The following KCNG3 variants were observed in gnomAD, a reference collection of about 807,000 sequenced individuals.
KCNG3 encodes potassium voltage-gated channel modifier subfamily G member 3, also known as voltage-gated potassium channel regulatory subunit KCNG3.
Under a neutral mutation model 29.0 loss-of-function variants are expected in KCNG3, and 15 were observed. The observed-to-expected ratio is 0.52, with a 90% confidence interval of 0.35 to 0.80. The LOEUF is 0.80. KCNG3 is among the 30% of genes least tolerant of loss of function. The pLI is 0.01. For missense variants in KCNG3, 512 were observed against 605.7 expected, an observed-to-expected ratio of 0.85 and a Z score of 1.62; for synonymous variants, 322 against 248.9, an observed-to-expected ratio of 1.29 and a Z score of -2.76.
At chr2:42,390,283 GA>G in the KCNG3 span, among the ~76,000 whole-genome samples, 4 of 151,800 alleles carry the variant, frequency 2.6e-5, no homozygotes, top group South Asian at 4.2e-4. Context: ...AAAGCTCTAA[GA>G]AAAAAAATGG....
intron 1 of KCNG3, among the ~76,000 whole-genome samples, chr2:42,486,696 C>A (rs1237072887): frequency 1.3e-5 from 2 of 152,220 alleles, no homozygotes; most frequent in South Asian, 4.1e-4. Context: ...CAACTCACGT[C>A]ACCTTTCACA....
In KCNG3 at chr2:42,442,598, T is replaced by C. The variant is rs1672510709; in HGVS notation, c.*1336A>G. On this transcript the variant is annotated 3_prime_UTR_variant, in exon 2 of 2. Coordinates refer to ENST00000306078, the MANE Select transcript of KCNG3 (RefSeq NM_133329.6). ...TCCCAATCCCTGTCTTCTCTACCTC[T>C]GACAAAATTACTGTGTACAACATTC... The C allele has an allele frequency of 1.3e-5, 2 of 152,256 alleles. No homozygotes were observed. The highest frequency in any genetic ancestry group is 2.4e-5 in the African/African-American group (1 of 41,468). 9.4% of individuals were successfully genotyped at this position (152,256 alleles called of 1,614,324 possible).
chr2:42,448,711 C>T (rs970489528), intron 1 of KCNG3, among the ~76,000 whole-genome samples: 4 of 152,168 alleles, frequency 2.6e-5, no homozygotes, highest in Non-Finnish European at 4.4e-5. Context: ...CGCTTATGGC[C>T]GGGAGCGGTG....
rs1673962164 is a variant in KCNG3 at position 42,493,313 on chromosome 2, G to A, written c.189C>T (p.Phe63=). ...DYDRERNEYF[F]DRHSEAFGFI... Reference sequence around the variant, plus strand: ...AGCCGAAGGCCTCCGAGTGCCGGTCGAAGAAGTACTCGTTGCGCTCGCGGT... The same window carrying A: ...AGCCGAAGGCCTCCGAGTGCCGGTCAAAGAAGTACTCGTTGCGCTCGCGGT... The change falls in exon 1 of 2, where the codon TTC becomes TTT. Residue 63 remains phenylalanine, a synonymous_variant. Coordinates refer to ENST00000306078, the MANE Select transcript of KCNG3 (RefSeq NM_133329.6). 1 of 1,609,864 alleles carries A rather than the reference G, an allele frequency of 6.2e-7. No individual in the cohort carries two copies. The highest frequency in any genetic ancestry group is 8.5e-7 in the Non-Finnish European group (1 of 1,178,580).
At chr2:42,399,056 C>CTTTTTTTTTTTTTTTTTTTTT in the KCNG3 span, among the ~76,000 whole-genome samples, 3 of 107,630 alleles carry the variant, frequency 2.8e-5, no homozygotes, top group Non-Finnish European at 3.7e-5. Context: ...TTTTTCTTTT[C>CTTTTTTTTTTTTTTTTTTTTT]TTTTTTTTTT....
chr2:42,488,999 T>A (rs1673804914), intron 1 of KCNG3, among the ~76,000 whole-genome samples: 1 of 152,050 alleles, frequency 6.6e-6, no homozygotes, highest in Admixed American at 6.5e-5. Context: ...CTAAGAATTA[T>A]TTCCTAGTAT....
At chr2:42,482,728 CAAAACA>C (rs1224310006) in intron 1 of KCNG3, among the ~76,000 whole-genome samples, 1 of 152,034 alleles carries the variant, frequency 6.6e-6, no homozygotes, top group Non-Finnish European at 1.5e-5. Context: ...GACTCCACCT[CAAAACA>C]AAAACAAAAA....
chr2:42,457,159 C>G (rs935513668), intron 1 of KCNG3, among the ~76,000 whole-genome samples: 1 of 151,890 alleles, frequency 6.6e-6, no homozygotes, highest in African/African-American at 2.4e-5. Flanking sequence ...TGTTATGATC[C>G]CCACCTACAA....
chr2:42,436,333 AAAAACCACAG>A, the KCNG3 span, among the ~76,000 whole-genome samples: 4 of 152,242 alleles, frequency 2.6e-5, no homozygotes, highest in Non-Finnish European at 5.9e-5. Flanking sequence ...TAAATATATT[AAAAACCACAG>A]AACTGTACAT....
At chr2:42,488,431 G>A (rs922913815) in intron 1 of KCNG3, among the ~76,000 whole-genome samples, 4 of 152,140 alleles carry the variant, frequency 2.6e-5, no homozygotes, top group Non-Finnish European at 4.4e-5. Flanking sequence ...CTGGAGTGCA[G>A]TTGCTGAATC....
chr2:42,454,745 C>T (rs756561555), intron 1 of KCNG3, among the ~76,000 whole-genome samples: 9 of 152,006 alleles, frequency 5.9e-5, no homozygotes, highest in Middle Eastern at 3.4e-3. Flanking sequence ...AATCCTGTTA[C>T]GTGGATGAAC....
chr2:42,481,846 T>G (rs777156426), intron 1 of KCNG3, among the ~76,000 whole-genome samples: 1 of 152,224 alleles, frequency 6.6e-6, no homozygotes, highest in African/African-American at 2.4e-5. Context: ...TATTCAGGCA[T>G]CACCTATCAC....
At chr2:42,431,310 C>CTT in the KCNG3 span, among the ~76,000 whole-genome samples, 51 of 147,800 alleles carry the variant, frequency 3.5e-4, no homozygotes, top group African/African-American at 1.1e-3. Context: ...TCTTTGAAAG[C>CTT]TTTTTTTTTT....
the KCNG3 span, among the ~76,000 whole-genome samples, chr2:42,433,223 T>C: frequency 1.3e-5 from 2 of 152,228 alleles, no homozygotes; most frequent in African/African-American, 4.8e-5. Context: ...GATGGCATGA[T>C]CTTATATATA....
rs758707696 is a variant in KCNG3, at chr2:42,493,389, A to G, written c.113T>C (p.Leu38Pro). 1 of 1,534,584 alleles carries G rather than the reference A, an allele frequency of 6.5e-7. No individual in the cohort carries two copies. ...GTCGCGCTCGGAGCGGCAGCCGTGC[A>G]GCCGGCTCACGCGGCGCAGCGGGAA... ...KDFPLRRVSR[L>P]HGCRSERDVL... Residue 38 changes from leucine (L) to proline (P), a missense_variant, in exon 1 of 2, where the codon CTG becomes CCG. By Grantham distance (98) the Leu-to-Pro change is moderately conservative. Coordinates refer to ENST00000306078, the MANE Select transcript of KCNG3 (RefSeq NM_133329.6).
the KCNG3 span, among the ~76,000 whole-genome samples, chr2:42,391,510 G>A: frequency 6.6e-6 from 1 of 151,398 alleles, no homozygotes. Context: ...ACAGCTTCCT[G>A]AGAAAGCTGT....
the KCNG3 span, among the ~76,000 whole-genome samples, chr2:42,400,432 T>C: frequency 6.6e-6 from 1 of 152,170 alleles, no homozygotes; most frequent in Non-Finnish European, 1.5e-5. Context: ...TTGCCATCCC[T>C]CTGTTCCTAC....
the KCNG3 span, among the ~76,000 whole-genome samples, chr2:42,417,059 G>A: frequency 7.9e-5 from 12 of 151,872 alleles, no homozygotes; most frequent in Non-Finnish European, 1.6e-4. Flanking sequence ...GACCAGCCTG[G>A]CCAACATGGT....
the KCNG3 span, among the ~76,000 whole-genome samples, chr2:42,398,389 G>C: frequency 4.6e-5 from 7 of 152,030 alleles, no homozygotes; most frequent in Non-Finnish European, 8.8e-5. Context: ...TGAGCATCCA[G>C]TCTCTTCCTC....
Sources: allele counts gnomAD v4.1 joint callset (sites outside exome capture counted in the v4.1 genomes callset), GRCh38; gene constraint gnomAD v4.1.1; transcripts MANE v1.5; gene names NCBI Gene and HGNC (gene_info 2026-07-23, HGNC 2026-07-21).